TUBA1B: variants seen among roughly 807,000 people sequenced by gnomAD.
TUBA1B encodes the protein tubulin alpha 1b.
In TUBA1B, 1 loss-of-function variant was observed where a neutral mutation model predicts 34.4. The ratio of observed to expected loss-of-function variants is 0.03; its 90% CI spans 0.01 to 0.14. The LOEUF is 0.14. Ranked by LOEUF, TUBA1B falls within the 10% of genes least tolerant of loss-of-function variation. The pLI is 1.00. For missense variants in TUBA1B, 54 were observed against 583.6 expected, an observed-to-expected ratio of 0.09 and a Z score of 9.35; for synonymous variants, 197 against 212.5, an observed-to-expected ratio of 0.93 and a Z score of 0.64.
chr12:49,129,789 T>C (rs1401536754), intron 1 of TUBA1B, 67 bp from the exon 2 acceptor site: 6 of 1,606,634 alleles, frequency 3.7e-6, no homozygotes, highest in Non-Finnish European at 5.1e-6. Flanking sequence ...TGGAACAAAA[T>C]ACTCATGCAA....
chr12:49,130,415 G>A (rs1941789634), intron 1 of TUBA1B: 2 of 1,236,288 alleles, frequency 1.6e-6, no homozygotes, highest in Non-Finnish European at 2.1e-6. Flanking sequence ...GCAGAGGCAC[G>A]AAATGGCCAC....
At position 49,129,699 on chromosome 12, in the gene TUBA1B, A is replaced by G; in HGVS notation, c.27T>C (p.Val9=). ...TGCCAATCTGGACACCAGCCTGGCC[A>G]ACGTGGATGGAGATGCACTCACGCT... The part of the protein sequence containing the change: MRECISIH[V]GQAGVQIGNA... Residue 9 remains valine, a synonymous_variant, in exon 2 of 4, where the codon GTT becomes GTC. Transcript: ENST00000336023. The G allele has an allele frequency of 1.2e-6, 2 of 1,614,062 alleles. No homozygotes were observed. Among genetic ancestry groups the G allele is most frequent in the African/African-American group, 2.7e-5 (2 of 75,060 alleles).
chr12:49,129,726 C>T lies in TUBA1B; in HGVS notation c.4-4G>A, dbSNP rs374310469. The T allele has an allele frequency of 1.9e-5, 30 of 1,601,986 alleles. No homozygotes were observed. The highest frequency in any genetic ancestry group is 1.7e-4 in the South Asian group (15 of 89,992). Reference sequence around the variant, plus strand: ...CGTGGATGGAGATGCACTCACGCTGCGGGAAGGAAAAAAGATATCACAATT... The same window carrying T: ...CGTGGATGGAGATGCACTCACGCTGTGGGAAGGAAAAAAGATATCACAATT... On this transcript the variant is annotated splice_region_variant and splice_polypyrimidine_tract_variant and intron_variant, in intron 1 of 3. Transcript: ENST00000336023.
intron 1 of TUBA1B, chr12:49,129,997 C>T: frequency 9.7e-7 from 1 of 1,029,220 alleles, no homozygotes; most frequent in Middle Eastern, 3.3e-4. Context: ...ACCTAGGCTA[C>T]TCACGTAATC....
At chr12:49,129,947 T>G in intron 1 of TUBA1B, 1 of 1,027,744 alleles carries the variant, frequency 9.7e-7, no homozygotes, top group Non-Finnish European at 1.4e-6. Context: ...AGCTGGCTAA[T>G]TTTTTCATTT....
At chr12:49,129,981 T>G (rs1941783146) in intron 1 of TUBA1B, 9 of 997,574 alleles carry the variant, frequency 9.0e-6, no homozygotes, top group Non-Finnish European at 1.3e-5. Flanking sequence ...GAGGTCTGGC[T>G]GTGTTACCTA....
chr12:49,130,098 GT>G (rs1352831253), intron 1 of TUBA1B: 2 of 1,200,126 alleles, frequency 1.7e-6, no homozygotes, highest in East Asian at 1.1e-4. Context: ...TATAGTCTAC[GT>G]TGCTTTTAAT....
chr12:49,130,262 T>A, intron 1 of TUBA1B: 1 of 1,289,052 alleles, frequency 7.8e-7, no homozygotes, highest in Non-Finnish European at 1.0e-6. Flanking sequence ...GTGGTCACAT[T>A]TCCGGGCAGC....
intron 1 of TUBA1B, chr12:49,129,973 G>T: frequency 1.0e-6 from 1 of 997,214 alleles, no homozygotes; most frequent in Non-Finnish European, 1.4e-6. Context: ...GTGGAGATGA[G>T]GTCTGGCTGT....
chr12:49,131,198 G>A (rs953475560), intron 1 of TUBA1B, 100 bp downstream of exon 1: 3 of 1,480,042 alleles, frequency 2.0e-6, no homozygotes, highest in South Asian at 1.2e-5. Context: ...GGACGGCTCT[G>A]AGGCCAGCCC....
At chr12:49,130,988 G>C (rs1026385458) in intron 1 of TUBA1B, 1 of 331,588 alleles carries the variant, frequency 3.0e-6, no homozygotes, top group African/African-American at 2.1e-5. Context: ...GCGGGGACTC[G>C]AGGGACCGCA....
At chr12:49,130,163 C>T in intron 1 of TUBA1B, 1 of 1,228,584 alleles carries the variant, frequency 8.1e-7, no homozygotes, top group Non-Finnish European at 1.0e-6. Flanking sequence ...ACCAAGACAG[C>T]TCAGTCACAG....
chr12:49,127,827 A>T lies in TUBA1B; in HGVS notation c.*131T>A. 1 of 1,365,902 alleles carries T rather than the reference A, an allele frequency of 7.3e-7. No individual in the cohort carries two copies. Among genetic ancestry groups the T allele is most frequent in the Non-Finnish European group, 1.0e-6 (1 of 991,626 alleles). The allele number at this position is 1,365,902 out of a possible 1,614,324, so 84.6% of individuals were successfully genotyped here. ...CTTTGAGATATGATGGAAAAATATTACAGGTACACATGGAAAAGACATGAT... is the reference window on the plus strand; with the variant it reads ...CTTTGAGATATGATGGAAAAATATTTCAGGTACACATGGAAAAGACATGAT... On this transcript the variant is annotated 3_prime_UTR_variant, in exon 4 of 4. Transcript: ENST00000336023.
At chr12:49,129,164 A>G in intron 3 of TUBA1B, 78 bp downstream of exon 3, 1 of 1,609,988 alleles carries the variant, frequency 6.2e-7, no homozygotes, top group Admixed American at 1.7e-5. Context: ...CCAAAGAATG[A>G]ATGATGTCAG....
At position 49,127,839 on chromosome 12, in the gene TUBA1B, G is replaced by T; in HGVS notation, c.*119C>A. On this transcript the variant is annotated 3_prime_UTR_variant, in exon 4 of 4. Transcript: ENST00000336023. ...ATGGAAAAATATTACAGGTACACATGGAAAAGACATGATCACCAAGTGAAA... is the reference window on the plus strand; with the variant it reads ...ATGGAAAAATATTACAGGTACACATTGAAAAGACATGATCACCAAGTGAAA... 6.8e-7 allele frequency: 1 copy of T among 1,460,814 alleles called. No homozygotes were observed. The highest frequency in any genetic ancestry group is 9.4e-7 in the Non-Finnish European group (1 of 1,066,178). 90.5% of individuals were successfully genotyped at this position (1,460,814 alleles called of 1,614,324 possible).
chr12:49,127,876 A>G lies in TUBA1B; in HGVS notation c.*82T>C. The G allele has an allele frequency of 6.3e-7, 1 of 1,598,114 alleles. No homozygotes were observed. The highest frequency in any genetic ancestry group is 8.6e-7 in the Non-Finnish European group (1 of 1,168,900). On this transcript the variant is annotated 3_prime_UTR_variant, in exon 4 of 4. Coordinates refer to ENST00000336023, the MANE Select transcript of TUBA1B (RefSeq NM_006082.3). ...ATCACCAAGTGAAAACAATCTAACC[A>G]GAAAGCTTTAACGTCTGTCAGTTAA...
At position 49,128,731 on chromosome 12, in the gene TUBA1B, G is replaced by A. The variant is rs576464083; in HGVS notation, c.583C>T (p.Leu195=). ...ATGAAGGCACAATCAGAGTGCTCCA[G>A]GGTGGTGTGGGTGGTGAGGATGGAG... ...YNSILTTHTT[L]EHSDCAFMVD... The change falls in exon 4 of 4, where the codon CTG becomes TTG. Residue 195 remains leucine (L), a synonymous_variant. Coordinates refer to ENST00000336023, the MANE Select transcript of TUBA1B (RefSeq NM_006082.3). This position sits in a 1 kb window ranked among gnomAD's most constrained non-coding sequence, Gnocchi z 8.1. 8.7e-6 allele frequency: 14 copies of A among 1,610,686 alleles called. No homozygotes were observed. In the East Asian group the frequency reaches 3.1e-4, roughly 36 times the overall value.
At chr12:49,130,439 C>T in intron 1 of TUBA1B, 1 of 1,068,276 alleles carries the variant, frequency 9.4e-7, no homozygotes. Flanking sequence ...TGCAAAGGCG[C>T]TGCCCAAGCC....
chr12:49,129,779 T>C, intron 1 of TUBA1B, 57 bp from the exon 2 acceptor site: 2 of 1,610,844 alleles, frequency 1.2e-6, no homozygotes, highest in Middle Eastern at 1.7e-4. Context: ...GACTGTCAAG[T>C]GGAACAAAAT....
Sources: allele counts gnomAD v4.1 joint callset, GRCh38; gene constraint gnomAD v4.1.1; non-coding constraint Gnocchi (gnomAD v3.1); transcripts MANE v1.5; gene names NCBI Gene and HGNC (gene_info 2026-07-23, HGNC 2026-07-21).